The following SLC35D1 variants were observed in gnomAD, a reference collection of about 807,000 sequenced individuals.
SLC35D1 encodes the protein solute carrier family 35 member D1.
A neutral mutation model predicts 46.7 loss-of-function variants in SLC35D1; 31 were observed. The observed-to-expected ratio is 0.66, with a 90% CI of 0.50 to 0.90. The LOEUF (loss-of-function observed/expected upper bound fraction) is 0.90. Ranked by LOEUF, SLC35D1 falls within the 40% of genes least tolerant of loss-of-function variation. The pLI is 0.00. For synonymous variants in SLC35D1, 195 were observed against 164.6 expected (o/e 1.18, Z -1.41); for missense variants, 397 against 426.2 (o/e 0.93, Z 0.60).
chr1:67,053,677 G>T (rs939395433), intron 1 of SLC35D1, 134 bp downstream of exon 1: 13 of 871,664 alleles, frequency 1.5e-5, no homozygotes, highest in Non-Finnish European at 1.8e-5. Context: ...CGCGTCAGCC[G>T]CCCGCCCTCC....
At chr1:66,986,094 A>G in the SLC35D1 span, 2 of 1,072,338 alleles carry the variant, frequency 1.9e-6, no homozygotes, top group South Asian at 3.3e-5. Context: ...GGCACACACA[A>G]GGAACAACTG....
chr1:67,032,317 T>A (rs1245010808), intron 8 of SLC35D1, among the ~76,000 whole-genome samples: 2 of 152,182 alleles, frequency 1.3e-5, no homozygotes, highest in South Asian at 2.1e-4. Flanking sequence ...TTGTTATTTT[T>A]AAATAACATG....
intron 5 of SLC35D1, among the ~76,000 whole-genome samples, 177 bp from the exon 6 acceptor site, chr1:67,050,027 T>G (rs1159068631): frequency 6.6e-6 from 1 of 152,260 alleles, no homozygotes; most frequent in Non-Finnish European, 1.5e-5. Flanking sequence ...TATTGTTATA[T>G]AAGTTATTAC....
intron 8 of SLC35D1, among the ~76,000 whole-genome samples, chr1:67,022,593 C>T (rs1260285173): frequency 6.6e-6 from 1 of 152,186 alleles, no homozygotes; most frequent in Admixed American, 6.5e-5. Flanking sequence ...TCTTTCTATA[C>T]CATGTCTACA....
At chr1:67,049,676 A>G in intron 6 of SLC35D1, 106 bp downstream of exon 6, 2 of 1,030,934 alleles carry the variant, frequency 1.9e-6, no homozygotes, top group Non-Finnish European at 3.0e-6. Flanking sequence ...CTTTTCAAAG[A>G]TATAATTCTT....
chr1:67,001,470 A>C lies in SLC35D1; in HGVS notation c.*2870T>G, dbSNP rs1247958152. 4 of 152,334 alleles carry C rather than the reference A, an allele frequency of 2.6e-5. No individual in the cohort carries two copies. The East Asian group carries it at 5.6e-4, about 21-fold the overall frequency. The allele number at this position is 152,334 out of a possible 1,614,324, so 9.4% of individuals were successfully genotyped here. A position where few individuals can be genotyped will look rare whatever the true frequency, so the allele number is the denominator to read the frequency against. On this transcript the variant is annotated 3_prime_UTR_variant, in exon 12 of 12. Coordinates refer to ENST00000235345, the MANE Select transcript of SLC35D1 (RefSeq NM_015139.3). ...AATCCATTTAGCCTTGACTAGAAGCAGATTGGCCAAAGAGGGTCTCACTTA... is the reference window on the plus strand; with the variant it reads ...AATCCATTTAGCCTTGACTAGAAGCCGATTGGCCAAAGAGGGTCTCACTTA...
chr1:66,977,286 T>A, the SLC35D1 span, among the ~76,000 whole-genome samples: 2 of 152,090 alleles, frequency 1.3e-5, no homozygotes, highest in East Asian at 3.8e-4. Context: ...ATTTTTGAAT[T>A]TTTATTAGAG....
At chr1:67,012,611 AT>A (rs113979532) in intron 10 of SLC35D1, among the ~76,000 whole-genome samples, 28,595 of 149,616 alleles carry the variant, frequency 0.19, 5,024 homozygotes, top group African/African-American at 0.47. Context: ...AGAAGGTCAC[AT>A]TTTTTTTTAG....
intron 6 of SLC35D1, 105 bp downstream of exon 6, chr1:67,049,677 T>G: frequency 9.7e-7 from 1 of 1,034,844 alleles, no homozygotes; most frequent in African/African-American, 1.6e-5. Flanking sequence ...TTTTCAAAGA[T>G]ATAATTCTTA....
At chr1:66,979,366 T>C in the SLC35D1 span, among the ~76,000 whole-genome samples, 1 of 152,210 alleles carries the variant, frequency 6.6e-6, no homozygotes, top group African/African-American at 2.4e-5. Context: ...AAATCCATAA[T>C]TCAGAGCACA....
At position 67,003,128 on chromosome 1, in the gene SLC35D1, C is replaced by T. The variant is rs150288825; in HGVS notation, c.*1212G>A. On this transcript the variant is annotated 3_prime_UTR_variant, in exon 12 of 12. Coordinates refer to ENST00000235345, the MANE Select transcript of SLC35D1 (RefSeq NM_015139.3). ...CCATTTAAGAAGGAAGATGATAGCTCTAACACTGACACTGCCAGAGAAAAA... is the reference window on the plus strand; with the variant it reads ...CCATTTAAGAAGGAAGATGATAGCTTTAACACTGACACTGCCAGAGAAAAA... 2.0e-5 allele frequency: 3 copies of T among 152,364 alleles called. No individual in the cohort carries two copies. The highest frequency in any genetic ancestry group is 2.9e-5 in the Non-Finnish European group (2 of 68,058). 9.4% of individuals were successfully genotyped at this position (152,364 alleles called of 1,614,324 possible). A position where few individuals can be genotyped will look rare whatever the true frequency, so the allele number is the denominator to read the frequency against.
intron 11 of SLC35D1, among the ~76,000 whole-genome samples, chr1:67,005,387 G>A (rs1048785564): frequency 8.5e-5 from 13 of 152,202 alleles, no homozygotes; most frequent in African/African-American, 2.7e-4. Flanking sequence ...AAGGGTGAGA[G>A]ACGCCTAGCT....
chr1:67,023,972 T>A (rs1667865666), intron 8 of SLC35D1, among the ~76,000 whole-genome samples: 1 of 150,542 alleles, frequency 6.6e-6, no homozygotes, highest in African/African-American at 2.4e-5. Context: ...TAAGACAGAG[T>A]CTCACTATGT....
intron 8 of SLC35D1, among the ~76,000 whole-genome samples, chr1:67,036,211 C>A (rs1668120189): frequency 6.6e-6 from 1 of 152,144 alleles, no homozygotes; most frequent in African/African-American, 2.4e-5. Context: ...GTCTACAGTG[C>A]AGATTAAATC....
chr1:67,043,677 T>C (rs1372487339), intron 7 of SLC35D1, among the ~76,000 whole-genome samples: 1 of 152,142 alleles, frequency 6.6e-6, no homozygotes, highest in Non-Finnish European at 1.5e-5. Context: ...AACGTGTACA[T>C]GAAGTAAAAT....
At chr1:67,009,845 A>G (rs1204750607) in intron 10 of SLC35D1, among the ~76,000 whole-genome samples, 5 of 152,198 alleles carry the variant, frequency 3.3e-5, no homozygotes, top group African/African-American at 9.7e-5. Context: ...TATATCCCCA[A>G]AGGAAAATAA....
the SLC35D1 span, among the ~76,000 whole-genome samples, chr1:66,976,354 A>T: frequency 1.3e-5 from 2 of 152,182 alleles, no homozygotes; most frequent in African/African-American, 4.8e-5. Flanking sequence ...AATTAGGATG[A>T]TGGTAGCATT....
intron 8 of SLC35D1, among the ~76,000 whole-genome samples, chr1:67,030,028 G>C (rs1388097274): frequency 1.4e-5 from 2 of 142,130 alleles, no homozygotes; most frequent in Non-Finnish European, 3.1e-5. Context: ...TTTTTTCTTT[G>C]AACAGACAAG....
chr1:67,037,776 G>A (rs2102332594), intron 8 of SLC35D1, among the ~76,000 whole-genome samples: 1 of 152,178 alleles, frequency 6.6e-6, no homozygotes, highest in African/African-American at 2.4e-5. Context: ...AAACCACTGA[G>A]TTTGCATGTC....
Sources: allele counts gnomAD v4.1 joint callset (sites outside exome capture counted in the v4.1 genomes callset), GRCh38; gene constraint gnomAD v4.1.1; transcripts MANE v1.5; gene names NCBI Gene and HGNC (gene_info 2026-07-23, HGNC 2026-07-21).